Variants in TBC1D2 observed in about 807,000 individuals in gnomAD.
TBC1D2 encodes the protein TBC1 domain family member 2A.
In TBC1D2, 58 loss-of-function variants were observed where a neutral mutation model predicts 91.1. The ratio of observed to expected loss-of-function variants is 0.64; its 90% CI spans 0.52 to 0.79. The LOEUF (loss-of-function observed/expected upper bound fraction) is 0.79. TBC1D2 is among the 30% of genes least tolerant of loss of function. TBC1D2 has a pLI of 0.00. For synonymous variants in TBC1D2, 482 were observed against 511.5 expected, an observed-to-expected ratio of 0.94 and a Z score of 0.78; for missense variants, 1,080 against 1,208.3, an observed-to-expected ratio of 0.89 and a Z score of 1.57.
chr9:98,207,349 TTTAAA>T (rs1828681528), intron 9 of TBC1D2, among the ~76,000 whole-genome samples: 1 of 152,200 alleles, frequency 6.6e-6, no homozygotes, highest in Non-Finnish European at 1.5e-5. Flanking sequence ...TATATGTGTG[TTTAAA>T]TTAAATCGAG....
intron 2 of TBC1D2, among the ~76,000 whole-genome samples, chr9:98,250,025 T>C (rs1336463717): frequency 6.6e-6 from 1 of 151,892 alleles, no homozygotes; most frequent in African/African-American, 2.4e-5. Flanking sequence ...GGGTAATTAT[T>C]AATAGAACAC....
intron 6 of TBC1D2, 51 bp from the exon 7 acceptor site, chr9:98,213,269 G>A (rs781486740): frequency 1.3e-5 from 21 of 1,604,114 alleles, no homozygotes; most frequent in Non-Finnish European, 1.7e-5. Context: ...CATCTCCCTG[G>A]TCCTGGGGAG....
intron 3 of TBC1D2, 128 bp from the exon 4 acceptor site, chr9:98,233,677 A>C: frequency 7.1e-7 from 1 of 1,406,976 alleles, no homozygotes; most frequent in East Asian, 2.4e-5. Flanking sequence ...GGTCTCCCAG[A>C]CTCCAGGCAC....
chr9:98,250,177 C>A (rs1588068457), intron 2 of TBC1D2, among the ~76,000 whole-genome samples: 2 of 152,106 alleles, frequency 1.3e-5, no homozygotes, highest in East Asian at 3.9e-4. Flanking sequence ...AGAGAATAAG[C>A]AAGAATTTGC....
rs200276830 is a variant in TBC1D2 at position 98,243,959 on chromosome 9, A to C, written c.647+35T>G. On this transcript the variant is annotated intron_variant, in intron 3 of 12. Coordinates refer to ENST00000465784, the MANE Select transcript of TBC1D2 (RefSeq NM_001267571.2). ...AAGCTCCACTGAAGGGGCTGCCTGC[A>C]GCTTGGCTAGCCCCTCAGCTCCACT... The C allele has an allele frequency of 1.8e-4, 290 of 1,582,098 alleles. 3 individuals are homozygous for C. The East Asian group carries it at 6.3e-3, about 34-fold the overall frequency.
chr9:98,208,842 C>G lies in TBC1D2; in HGVS notation c.1976G>C (p.Gly659Ala). ...PGCYQELLSR[G>A]QAREHPAARQ... ...GGCAGCAGGGTGCTCGCGGGCCTGG[C>G]CCCGGCTCAGCAGTTCCTGGTAGCA... Residue 659 changes from glycine to alanine, a missense_variant, in exon 9 of 13, where the codon GGC becomes GCC. Transcript: ENST00000465784. 2 of 1,610,550 alleles carry G rather than the reference C, an allele frequency of 1.2e-6. No individual in the cohort carries two copies. Among genetic ancestry groups the G allele is most frequent in the South Asian group, 1.1e-5 (1 of 90,946 alleles).
intron 5 of TBC1D2, among the ~76,000 whole-genome samples, chr9:98,224,263 G>A (rs1399003245): frequency 1.7e-5 from 2 of 115,830 alleles, no homozygotes; most frequent in Non-Finnish European, 3.5e-5. Context: ...GCTTTTTGAA[G>A]TGTTTTTTTT....
chr9:98,225,770 C>T (rs994692877), intron 5 of TBC1D2, among the ~76,000 whole-genome samples: 1 of 152,248 alleles, frequency 6.6e-6, no homozygotes, highest in African/African-American at 2.4e-5. Context: ...CTCACATCTT[C>T]TCTTCCCCAC....
At position 98,243,988 on chromosome 9, in the gene TBC1D2, A is replaced by G; in HGVS notation, c.647+6T>C. 6.3e-7 allele frequency: 1 copy of G among 1,599,786 alleles called. No homozygotes were observed. The highest frequency in any genetic ancestry group is 1.1e-5 in the South Asian group (1 of 88,432). ...TGGCTAGCCCCTCAGCTCCACTGGCACTTACTGTATTTCAGTCCCCAGGTG... is the reference window on the plus strand; with the variant it reads ...TGGCTAGCCCCTCAGCTCCACTGGCGCTTACTGTATTTCAGTCCCCAGGTG... On this transcript the variant is annotated splice_donor_region_variant and intron_variant, in intron 3 of 12. Transcript: ENST00000465784.
rs1828742011 is a variant in TBC1D2 at position 98,209,073 on chromosome 9, A to C, written c.1745T>G (p.Ile582Ser). ...EVEDLKLLAK[I>S]QALESRSHHL... is the part of the protein sequence containing the mutation. ...GTGGGATCGTGACTCCAATGCCTGG[A>C]TCTTGGCCAGCAGCTTCAGGTCTTC... Residue 582 changes from isoleucine to serine, a missense_variant, in exon 9 of 13, where the codon ATC becomes AGC. By Grantham distance (142) the Ile-to-Ser change is moderately radical. Transcript: ENST00000465784. The C allele has an allele frequency of 6.2e-7, 1 of 1,614,010 alleles. No homozygotes were observed. Among genetic ancestry groups the C allele is most frequent in the Non-Finnish European group, 8.5e-7 (1 of 1,180,030 alleles).
At position 98,221,025 on chromosome 9, in the gene TBC1D2, C is replaced by T. The variant is rs748011364; in HGVS notation, c.1182G>A (p.Glu394=). ...GCTGCTGTAGCTCCTGCACCTGCTG[C>T]TCCCGCAGGCTCGCTGTGTGCGCCA... is the stretch of plus-strand genomic sequence containing the variant. ...ESLAHTASLR[E]QQVQELQQHV... Residue 394 remains glutamate, a synonymous_variant, in exon 6 of 13, where the codon GAG becomes GAA. Transcript: ENST00000465784. The T allele has an allele frequency of 3.2e-5, 51 of 1,613,960 alleles. No individual in the cohort carries two copies. The highest frequency in any genetic ancestry group is 4.3e-5 in the Non-Finnish European group (51 of 1,179,982).
intron 4 of TBC1D2, among the ~76,000 whole-genome samples, chr9:98,232,782 T>C (rs964522993): frequency 5.3e-5 from 8 of 152,232 alleles, no homozygotes; most frequent in African/African-American, 1.9e-4. Context: ...ACAATATGTG[T>C]GTATAGGTCT....
At chr9:98,234,458 A>G (rs1829452431) in intron 3 of TBC1D2, among the ~76,000 whole-genome samples, 1 of 152,236 alleles carries the variant, frequency 6.6e-6, no homozygotes, top group South Asian at 2.1e-4. Flanking sequence ...AAAGGAGTTC[A>G]CTAGGTCAGT....
rs200422798 is a variant in TBC1D2 at position 98,252,678 on chromosome 9, CTAGT to C, written c.370-756_370-753del. 5.0e-3 allele frequency among the ~76,000 whole-genome samples: 759 copies of C among 152,328 alleles called. 8 individuals are homozygous for C. The highest frequency in any genetic ancestry group is 0.017 in the African/African-American group (704 of 41,570). ...GTTGCCCAGGCATGTGGTGGTAGAA[CTAGT>C]CCCATAACCCTGGTCTAGAAGTTGG... On this transcript the variant is annotated intron_variant, in intron 1 of 12. Transcript: ENST00000465784.
chr9:98,224,819 G>A (rs1488517207), intron 5 of TBC1D2, among the ~76,000 whole-genome samples: 2 of 152,116 alleles, frequency 1.3e-5, no homozygotes, highest in African/African-American at 2.4e-5. Flanking sequence ...CTGGATCCGT[G>A]GGGGGTGTAT....
At chr9:98,235,406 G>C in intron 3 of TBC1D2, 1 of 484,178 alleles carries the variant, frequency 2.1e-6, no homozygotes, top group South Asian at 1.6e-5. Context: ...AAGCAAGAGA[G>C]AGATCTTTCT....
chr9:98,244,659 C>CAAAA (rs59871511), intron 2 of TBC1D2, among the ~76,000 whole-genome samples: 674 of 46,706 alleles, frequency 0.014, 22 homozygotes, highest in Non-Finnish European at 0.015. Flanking sequence ...AACTCCGTCT[C>CAAAA]AAAAAAAAAA....
At chr9:98,216,173 G>A (rs1003337011) in intron 6 of TBC1D2, among the ~76,000 whole-genome samples, 3 of 152,206 alleles carry the variant, frequency 2.0e-5, no homozygotes, top group East Asian at 1.9e-4. Context: ...ACCTCATGTG[G>A]CTGGGAGAGG....
intron 1 of TBC1D2, 94 bp from the exon 2 acceptor site, chr9:98,252,020 C>T (rs1829884196): frequency 4.1e-6 from 6 of 1,463,370 alleles, no homozygotes; most frequent in African/African-American, 1.5e-5. Context: ...CTTAGGAATG[C>T]TTTCTTTCCC....
Sources: gnomAD v4.1 joint callset for allele counts (sites outside exome capture counted in the v4.1 genomes callset) on GRCh38, gnomAD v4.1.1 for gene constraint, MANE v1.5 for transcripts, NCBI Gene and HGNC (gene_info 2026-07-23, HGNC 2026-07-21) for gene names.